The following ACAP3 variants were observed in gnomAD, a reference collection of about 807,000 sequenced individuals.
The protein encoded by ACAP3 is arf-GAP with coiled-coil, ANK repeat and PH domain-containing protein 3.
Under a neutral mutation model 104.1 loss-of-function variants are expected in ACAP3, and 56 were observed. That is an observed-to-expected ratio of 0.54 (90% CI 0.43 to 0.67). ACAP3 has a LOEUF of 0.67. ACAP3 is among the 30% of genes least tolerant of loss of function. ACAP3 has a pLI of 0.00. For synonymous variants in ACAP3, 628 were observed against 496.2 expected (o/e 1.27, Z -3.53); for missense variants, 1,208 against 1,174.9 (o/e 1.03, Z -0.41).
At chr1:1,300,465 C>A (rs60785581) in intron 6 of ACAP3, 44 bp downstream of exon 6, 16 of 1,563,894 alleles carry the variant, frequency 1.0e-5, no homozygotes, top group Non-Finnish European at 1.3e-5. Context: ...GGCCTCCATT[C>A]GCTACAGCTG....
Position 1,293,674 on chromosome 1 carries a change from C to G in ACAP3, c.2395G>C (p.Glu799Gln). ...RLARMAEEMR[E>Q]AEAAPGPPGA... is the part of the protein sequence containing the mutation. ...GGGGGACCAGGGGCAGCCTCGGCCTCGCGCATTTCCTCCGCCATGCGCGCC... is the reference window on the plus strand; with the variant it reads ...GGGGGACCAGGGGCAGCCTCGGCCTGGCGCATTTCCTCCGCCATGCGCGCC... Residue 799 changes from glutamate to glutamine, a missense_variant, in exon 24 of 24, where the codon GAG (glutamate) becomes CAG (glutamine). Transcript: ENST00000354700. The G allele has an allele frequency of 1.4e-6, 2 of 1,443,656 alleles. No individual in the cohort carries two copies. Among genetic ancestry groups the G allele is most frequent in the Admixed American group, 5.5e-5 (2 of 36,276 alleles). 89.4% of individuals were successfully genotyped at this position (1,443,656 alleles called of 1,614,324 possible).
Position 1,296,037 on chromosome 1 carries a change from T to G in ACAP3, c.1480A>C (p.Lys494Gln). 3 of 1,612,784 alleles carry G rather than the reference T, an allele frequency of 1.9e-6. No individual in the cohort carries two copies. The highest frequency in any genetic ancestry group is 1.7e-6 in the Non-Finnish European group (2 of 1,179,972). Residue 494 changes from lysine (K) to glutamine (Q), a missense_variant, in exon 17 of 24, where the codon AAA becomes CAA. Coordinates refer to ENST00000354700, the MANE Select transcript of ACAP3 (RefSeq NM_030649.3). ...CACCGGGAGCTGCTGGCTGTGGGTT[T>G]CCTGCTGCCTGCACCCTCACACTGG... The part of the protein sequence containing the change: ...EAQCEGAGSR[K>Q]PTASSSRQDK...
intron 23 of ACAP3, 51 bp from the exon 24 acceptor site, chr1:1,293,759 G>GCCCTGGAGGCCCCGCCCCTT: frequency 6.7e-7 from 1 of 1,488,890 alleles, no homozygotes; most frequent in South Asian, 1.3e-5. Context: ...CCCCGCCCCT[G>GCCCTGGAGGCCCCGCCCCTT]CCCTGGAGGC....
In ACAP3 at chr1:1,295,502, C is replaced by T. The variant is rs1641090229; in HGVS notation, c.1758G>A (p.Glu586=). ...FRRDSLFCPD[E]LDSLFSYFDA... ...CGAAGTAGGAGAAGAGCGAGTCCAG[C>T]TCGTCGGGACAGAAGAGGGAGTCTC... Residue 586 remains glutamate (E), a synonymous_variant, in exon 19 of 24, where the codon GAG becomes GAA. Coordinates refer to ENST00000354700, the MANE Select transcript of ACAP3 (RefSeq NM_030649.3). 2 of 1,612,658 alleles carry T rather than the reference C, an allele frequency of 1.2e-6. No homozygotes were observed. The highest frequency in any genetic ancestry group is 1.7e-6 in the Non-Finnish European group (2 of 1,179,902).
chr1:1,295,216 C>T (rs1278114415), intron 19 of ACAP3, among the ~76,000 whole-genome samples: 3 of 152,140 alleles, frequency 2.0e-5, no homozygotes. Context: ...TTCCCCAGCA[C>T]CCCGGGCCAC....
chr1:1,294,231 C>G (rs751564931), intron 21 of ACAP3, 32 bp from the exon 22 acceptor site: 3 of 1,549,504 alleles, frequency 1.9e-6, no homozygotes, highest in East Asian at 2.4e-5. Context: ...GACGGAGCCA[C>G]GGCACCGGCC....
intron 7 of ACAP3, 37 bp from the exon 8 acceptor site, chr1:1,300,105 G>A (rs757237695): frequency 8.7e-6 from 14 of 1,607,342 alleles, no homozygotes; most frequent in Admixed American, 1.7e-5. Context: ...AAGCACACCC[G>A]GTCCAGCCCC....
At chr1:1,306,667 C>T (rs1274271228) in intron 1 of ACAP3, among the ~76,000 whole-genome samples, 1 of 152,234 alleles carries the variant, frequency 6.6e-6, no homozygotes, top group Non-Finnish European at 1.5e-5. Context: ...CGCGCGCGTG[C>T]ACACCCACAC....
chr1:1,298,956 C>A, intron 10 of ACAP3: 2 of 551,090 alleles, frequency 3.6e-6, no homozygotes, highest in East Asian at 6.5e-5. Flanking sequence ...CAGCAGGCTG[C>A]GATCAGGAAG....
chr1:1,300,323 T>A, intron 6 of ACAP3, 121 bp from the exon 7 acceptor site: 1 of 1,333,342 alleles, frequency 7.5e-7, no homozygotes, highest in Non-Finnish European at 1.0e-6. Context: ...CGTCTTCAGC[T>A]CCCAGCTCTG....
intron 6 of ACAP3, 137 bp from the exon 7 acceptor site, chr1:1,300,339 G>T: frequency 7.9e-7 from 1 of 1,271,706 alleles, no homozygotes; most frequent in South Asian, 1.5e-5. Context: ...CTCTGGGCCA[G>T]CCTCATCCTC....
Position 1,296,643 on chromosome 1 carries a change from G to T in ACAP3, c.1129-10C>A. ...CTGTGCGGTCCAGCCTCTGGAGGAT[G>T]GGGTGGAGCTGCTCGGTCCCGCAGG... is the stretch of plus-strand genomic sequence containing the variant. On this transcript the variant is annotated splice_polypyrimidine_tract_variant and intron_variant, in intron 14 of 23. Transcript: ENST00000354700. The T allele has an allele frequency of 6.5e-7, 1 of 1,529,550 alleles. No homozygotes were observed. The allele number at this position is 1,529,550 out of a possible 1,614,324, so 94.7% of individuals were successfully genotyped here.
At chr1:1,304,895 G>C (rs1382802069) in intron 1 of ACAP3, 7 of 152,366 alleles carry the variant, frequency 4.6e-5, no homozygotes, top group African/African-American at 1.7e-4. Flanking sequence ...AGGCAACAGG[G>C]AAACAGGGCC....
chr1:1,305,820 C>G (rs1044693073), intron 1 of ACAP3: 1 of 152,214 alleles, frequency 6.6e-6, no homozygotes, highest in African/African-American at 2.4e-5. Flanking sequence ...CACGGGCTCC[C>G]CTGGCCTCCG....
chr1:1,306,162 T>G (rs756665301), intron 1 of ACAP3, among the ~76,000 whole-genome samples: 42 of 152,280 alleles, frequency 2.8e-4, no homozygotes, highest in Non-Finnish European at 4.6e-4. Context: ...CTACGGCACC[T>G]ACTGCAGCCC....
chr1:1,304,240 A>C, intron 1 of ACAP3, 97 bp from the exon 2 acceptor site: 1 of 1,453,336 alleles, frequency 6.9e-7, no homozygotes, highest in Admixed American at 2.0e-5. Context: ...CCACCATGGG[A>C]AGGGGCTTTC....
At chr1:1,307,702 C>A (rs1036571625) in intron 1 of ACAP3, 67 bp downstream of exon 1, 2 of 1,068,814 alleles carry the variant, frequency 1.9e-6, no homozygotes, top group South Asian at 4.1e-5. Context: ...CCCACCCCGC[C>A]GCCGGGCACA....
chr1:1,293,597 C>T lies in ACAP3; in HGVS notation c.2472G>A (p.Gln824=). ...PTELQFRRCI[Q]EFISLHLEES ...CTTCCAGGTGGAGGCTGATGAACTC[C>T]TGGATACACCTGCGGAACTGGAGCT... is the stretch of plus-strand genomic sequence containing the variant. The change falls in exon 24 of 24, where the codon CAG becomes CAA. Residue 824 remains glutamine (Q), a synonymous_variant. Transcript: ENST00000354700. The T allele has an allele frequency of 6.7e-7, 1 of 1,496,296 alleles. No individual in the cohort carries two copies. The highest frequency in any genetic ancestry group is 8.9e-7 in the Non-Finnish European group (1 of 1,127,974). The allele number at this position is 1,496,296 out of a possible 1,614,324, so 92.7% of individuals were successfully genotyped here. A position where few individuals can be genotyped will look rare whatever the true frequency, so the allele number is the denominator to read the frequency against.
chr1:1,306,664 G>C (rs529072954), intron 1 of ACAP3, among the ~76,000 whole-genome samples: 1 of 152,184 alleles, frequency 6.6e-6, no homozygotes, highest in Admixed American at 6.5e-5. Context: ...CAGCGCGCGC[G>C]TGCACACCCA....
Sources: allele counts gnomAD v4.1 joint callset (sites outside exome capture counted in the v4.1 genomes callset), GRCh38; gene constraint gnomAD v4.1.1; transcripts MANE v1.5; gene names NCBI Gene and HGNC (gene_info 2026-07-23, HGNC 2026-07-21).